Variants in PSIP1 observed in about 807,000 individuals in gnomAD.
PSIP1 encodes PC4 and SFRS1-interacting protein.
In PSIP1, 19 loss-of-function variants were observed where a neutral mutation model predicts 74.7. The ratio of observed to expected loss-of-function variants is 0.25; its 90% CI spans 0.18 to 0.37. The LOEUF is 0.37. Ranked by LOEUF, PSIP1 falls within the 10% of genes least tolerant of loss-of-function variation. The pLI, the probability that PSIP1 is intolerant of heterozygous loss-of-function variation, is 1.00. For missense variants in PSIP1, 601 were observed against 614.3 expected (o/e 0.98, Z 0.23); for synonymous variants, 222 against 195.3 (o/e 1.14, Z -1.14).
rs367874448 is a variant in PSIP1 at position 15,482,446 on chromosome 9, T to A, written c.457-2759A>T. On this transcript the variant is annotated intron_variant, in intron 6 of 15. Transcript: ENST00000380733. ...CTTGTACCACATCCAAAGTCTTGCT[T>A]TGATGTGGATGGGGCAGAAGGGAGT... 3.3e-5 allele frequency among the ~76,000 whole-genome samples: 5 copies of A among 152,304 alleles called. No individual in the cohort carries two copies. The East Asian group carries it at 7.7e-4, about 24-fold the overall frequency.
intron 4 of PSIP1, 131 bp downstream of exon 4, chr9:15,489,855 C>T: frequency 1.4e-6 from 1 of 720,258 alleles, no homozygotes; most frequent in Non-Finnish European, 2.0e-6. Flanking sequence ...AAGGTTCAAC[C>T]TCACAAATAA....
At position 15,464,547 on chromosome 9, in the gene PSIP1, A is replaced by G. The variant is rs1217745233; in HGVS notation, c.*973T>C. On this transcript the variant is annotated 3_prime_UTR_variant, in exon 16 of 16. Transcript: ENST00000380733. ...ACTAGTGTTTGTATTTTTGGAATCT[A>G]GAAAATAAAAACAATATAGCCATGA... is the stretch of plus-strand genomic sequence containing the variant. The G allele has an allele frequency of 1.0e-5, 2 of 199,964 alleles. No homozygotes were observed. Among genetic ancestry groups the G allele is most frequent in the East Asian group, 1.6e-4 (2 of 12,680 alleles). The allele number at this position is 199,964 out of a possible 1,614,324, so 12.4% of individuals were successfully genotyped here. A position where few individuals can be genotyped will look rare whatever the true frequency, so the allele number is the denominator to read the frequency against.
Position 15,487,993 on chromosome 9 carries a change from G to T in PSIP1, c.289-1062C>A, listed in dbSNP as rs73421395. 3.2e-3 allele frequency among the ~76,000 whole-genome samples: 488 copies of T among 152,248 alleles called. 4 individuals are homozygous for T. Among genetic ancestry groups the T allele is most frequent in the African/African-American group, 0.011 (461 of 41,552 alleles). On this transcript the variant is annotated intron_variant, in intron 4 of 15. Transcript: ENST00000380733. The stretch of plus-strand genomic sequence containing the variant: ...AACAGTATCTAAAAAGTTCTCCAAG[G>T]TAAAGCATGGCACATGTGAAGAAAT...
chr9:15,493,598 AG>A (rs1255447282), intron 3 of PSIP1, among the ~76,000 whole-genome samples: 10 of 152,226 alleles, frequency 6.6e-5, no homozygotes, highest in African/African-American at 2.2e-4. Flanking sequence ...AAGACTGGAT[AG>A]TTTATAAAGA....
chr9:15,510,050 A>G lies in PSIP1; in HGVS notation c.72+67T>C, dbSNP rs1586878366. 4 of 1,438,994 alleles carry G rather than the reference A, an allele frequency of 2.8e-6. No individual in the cohort carries two copies. In the East Asian group the frequency reaches 7.4e-5, roughly 27 times the overall value. 89.1% of individuals were successfully genotyped at this position (1,438,994 alleles called of 1,614,324 possible). A position where few individuals can be genotyped will look rare whatever the true frequency, so the allele number is the denominator to read the frequency against. On this transcript the variant is annotated intron_variant, in intron 2 of 15. Transcript: ENST00000380733. ...AGGACAGAAGAAAAAATAAAGAGAC[A>G]CGGTGGGCAGCAGGCCTCTGGAGAG...
At chr9:15,477,878 C>A (rs1007625273) in intron 8 of PSIP1, among the ~76,000 whole-genome samples, 1 of 151,966 alleles carries the variant, frequency 6.6e-6, no homozygotes, top group Admixed American at 6.6e-5. Flanking sequence ...TGGCTCACCC[C>A]TATAATTCCA....
chr9:15,495,728 T>C (rs1179228362), intron 3 of PSIP1, among the ~76,000 whole-genome samples: 3 of 152,208 alleles, frequency 2.0e-5, no homozygotes, highest in Non-Finnish European at 4.4e-5. Context: ...TGATGTGAAA[T>C]ATCCTCAATG....
chr9:15,491,758 T>C (rs547696561), intron 3 of PSIP1, among the ~76,000 whole-genome samples: 1 of 152,248 alleles, frequency 6.6e-6, no homozygotes, highest in South Asian at 2.1e-4. Context: ...ACTGGGTAAT[T>C]TATAAAGAAA....
At chr9:15,474,537 C>T (rs2035993019) in intron 8 of PSIP1, among the ~76,000 whole-genome samples, 1 of 152,126 alleles carries the variant, frequency 6.6e-6, no homozygotes, top group Admixed American at 6.6e-5. Context: ...AAATCAAATA[C>T]GGTCGTTTTA....
rs545497836 is a variant in PSIP1, at chr9:15,478,844, C to T, written c.554-292G>A. The stretch of plus-strand genomic sequence containing the variant: ...TTAACAGTAATGTCACAAAATTCAA[C>T]TTTTAGAATAGGAAACAGCACTTAT... On this transcript the variant is annotated intron_variant, in intron 7 of 15. Coordinates refer to ENST00000380733, the MANE Select transcript of PSIP1 (RefSeq NM_033222.5). Among the ~76,000 whole-genome samples, 15 of 152,056 alleles carry T rather than the reference C, an allele frequency of 9.9e-5. 1 individual carries two copies. In the East Asian group the frequency reaches 2.3e-3, roughly 23 times the overall value.
At chr9:15,478,725 GCAA>G (rs989229992) in intron 7 of PSIP1, among the ~76,000 whole-genome samples, 173 bp from the exon 8 acceptor site, 59 of 152,002 alleles carry the variant, frequency 3.9e-4, no homozygotes, top group African/African-American at 1.2e-3. Flanking sequence ...GTTAAAATGA[GCAA>G]CAACAAAAAA....
chr9:15,479,773 G>T (rs192990521), intron 6 of PSIP1, 86 bp from the exon 7 acceptor site: 5 of 956,612 alleles, frequency 5.2e-6, no homozygotes, highest in Non-Finnish European at 8.2e-6. Flanking sequence ...CCAGTCTATG[G>T]TAACGTTGAG....
intron 3 of PSIP1, among the ~76,000 whole-genome samples, chr9:15,497,483 C>T (rs534569492): frequency 1.3e-5 from 2 of 152,050 alleles, no homozygotes; most frequent in Admixed American, 1.3e-4. Flanking sequence ...TGTGCAACCA[C>T]GCCTGGCTAC....
intron 14 of PSIP1, among the ~76,000 whole-genome samples, chr9:15,468,085 C>T (rs1029108633): frequency 6.7e-5 from 10 of 149,428 alleles, no homozygotes; most frequent in Non-Finnish European, 2.9e-5. Context: ...CACGCCACTG[C>T]ACTCCAGCCT....
intron 15 of PSIP1, among the ~76,000 whole-genome samples, chr9:15,466,134 C>CTT (rs200674143): frequency 0.04 from 6,124 of 152,232 alleles, 407 homozygotes; most frequent in African/African-American, 0.14. Context: ...AATCCCAACA[C>CTT]TGGGAAGCCA....
Position 15,473,931 on chromosome 9 carries a change from A to C in PSIP1, c.858+78T>G, listed in dbSNP as rs866672022. 59 of 916,042 alleles carry C rather than the reference A, an allele frequency of 6.4e-5. No homozygotes were observed. In the East Asian group the frequency reaches 1.2e-3, roughly 18 times the overall value. 56.7% of individuals were successfully genotyped at this position (916,042 alleles called of 1,614,324 possible). ...AAAAAAAAACAAAAAAAAAAACAAA[A>C]AAAAAACAAAGAAAAAACAAAAAAT... On this transcript the variant is annotated intron_variant, in intron 9 of 15. Transcript: ENST00000380733.
intron 6 of PSIP1, among the ~76,000 whole-genome samples, chr9:15,482,045 G>A (rs1289904719): frequency 6.6e-6 from 1 of 151,986 alleles, no homozygotes; most frequent in African/African-American, 2.4e-5. Flanking sequence ...CTTGCTCTGA[G>A]ACATCTAACC....
At chr9:15,494,066 C>T (rs770941592) in intron 3 of PSIP1, among the ~76,000 whole-genome samples, 3 of 152,034 alleles carry the variant, frequency 2.0e-5, no homozygotes, top group African/African-American at 7.2e-5. Flanking sequence ...ACATATACTC[C>T]CCAAAGCAAC....
chr9:15,467,393 A>C (rs2035683925), intron 14 of PSIP1, among the ~76,000 whole-genome samples: 1 of 152,258 alleles, frequency 6.6e-6, no homozygotes, highest in African/African-American at 2.4e-5. Flanking sequence ...CAAAAACAAA[A>C]AACCAACCGA....
Sources: gnomAD v4.1 joint callset for allele counts (sites outside exome capture counted in the v4.1 genomes callset) on GRCh38, gnomAD v4.1.1 for gene constraint, MANE v1.5 for transcripts, NCBI Gene and HGNC (gene_info 2026-07-23, HGNC 2026-07-21) for gene names.